Variants in FHOD3 observed in about 807,000 individuals in gnomAD.
The protein encoded by FHOD3 is FH1/FH2 domain-containing protein 3.
A neutral mutation model predicts 173.0 loss-of-function variants in FHOD3; 90 were observed. That is an observed-to-expected ratio of 0.52 (90% CI 0.44 to 0.62). FHOD3 has a LOEUF of 0.62. FHOD3 is among the 20% of genes least tolerant of loss of function. The pLI is 0.00. For missense variants in FHOD3, 1,945 were observed against 2,034.7 expected (o/e 0.96, Z 0.85); for synonymous variants, 828 against 823.0 (o/e 1.01, Z -0.10).
chr18:36,394,954 T>C (rs927565376), intron 3 of FHOD3, among the ~76,000 whole-genome samples: 1 of 152,208 alleles, frequency 6.6e-6, no homozygotes, highest in African/African-American at 2.4e-5. Flanking sequence ...AGTTCTGTGC[T>C]ACAAGGTTTT....
chr18:36,322,342 C>T (rs1239347956), intron 1 of FHOD3, among the ~76,000 whole-genome samples: 3 of 152,064 alleles, frequency 2.0e-5, no homozygotes, highest in Non-Finnish European at 4.4e-5. Context: ...CACCTCCTCT[C>T]GAGAGGGTTA....
At chr18:36,578,544 A>C (rs898339200) in intron 6 of FHOD3, among the ~76,000 whole-genome samples, 4 of 151,674 alleles carry the variant, frequency 2.6e-5, no homozygotes, top group African/African-American at 9.7e-5. Context: ...TTCACTGCCC[A>C]CCCCCACTAG....
intron 3 of FHOD3, among the ~76,000 whole-genome samples, chr18:36,393,446 A>G (rs992747618): frequency 6.6e-6 from 1 of 152,146 alleles, no homozygotes; most frequent in Non-Finnish European, 1.5e-5. Context: ...ACTAGATGCC[A>G]GTTGCAATGC....
chr18:36,721,284 T>G (rs1176747747), intron 19 of FHOD3, among the ~76,000 whole-genome samples: 1 of 152,192 alleles, frequency 6.6e-6, no homozygotes, highest in Non-Finnish European at 1.5e-5. Flanking sequence ...ATAGGAAATG[T>G]GAACAGGAGC....
rs117416190 is a variant in FHOD3, at chr18:36,436,077, A to G, written c.337+63333A>G. On this transcript the variant is annotated intron_variant, in intron 3 of 28. Coordinates refer to ENST00000590592, the MANE Select transcript of FHOD3 (RefSeq NM_001281740.3). Reference sequence around the variant, plus strand: ...TTAGTGCTGATATAAGAATTGTAAAATATATACAGGCAAAGGTGTTAAAAA... The same window carrying G: ...TTAGTGCTGATATAAGAATTGTAAAGTATATACAGGCAAAGGTGTTAAAAA... 8.9e-3 allele frequency among the ~76,000 whole-genome samples: 1,350 copies of G among 152,316 alleles called. 4 individuals are homozygous for G. The highest frequency in any genetic ancestry group is 0.017 in the Middle Eastern group (5 of 294).
intron 1 of FHOD3, among the ~76,000 whole-genome samples, chr18:36,302,983 C>T (rs1047243375): frequency 5.9e-5 from 9 of 152,180 alleles, no homozygotes; most frequent in South Asian, 2.1e-4. Flanking sequence ...CAGACCATAT[C>T]GGTAACCTAG....
intron 3 of FHOD3, among the ~76,000 whole-genome samples, chr18:36,412,944 C>T (rs1327263661): frequency 3.9e-5 from 6 of 152,322 alleles, no homozygotes; most frequent in Admixed American, 2.6e-4. Context: ...AGACACCTAC[C>T]TGGAGCCTTC....
chr18:36,759,488 G>A (rs1228622233), intron 26 of FHOD3, among the ~76,000 whole-genome samples: 1 of 152,230 alleles, frequency 6.6e-6, no homozygotes, highest in Non-Finnish European at 1.5e-5. Context: ...ACTAGATTCT[G>A]GAATAACCAC....
chr18:36,452,190 G>T (rs1423878219), intron 3 of FHOD3, among the ~76,000 whole-genome samples: 1 of 152,136 alleles, frequency 6.6e-6, no homozygotes, highest in African/African-American at 2.4e-5. Context: ...GGTATCTTAA[G>T]ACTTTTATTT....
chr18:36,594,563 G>A (rs1348964075), intron 6 of FHOD3, among the ~76,000 whole-genome samples: 3 of 152,096 alleles, frequency 2.0e-5, no homozygotes, highest in Non-Finnish European at 4.4e-5. Context: ...ACTGCAGGCA[G>A]GGAACTTTGT....
chr18:36,757,303 G>C (rs181787888), intron 25 of FHOD3, among the ~76,000 whole-genome samples: 1 of 152,288 alleles, frequency 6.6e-6, no homozygotes, highest in Admixed American at 6.5e-5. Context: ...CATGTAGAAG[G>C]ATTGCCCTCT....
chr18:36,625,794 C>T (rs763568334), intron 10 of FHOD3, 45 bp downstream of exon 10: 1 of 1,479,298 alleles, frequency 6.8e-7, no homozygotes, highest in Non-Finnish European at 9.2e-7. Flanking sequence ...GGATGCCATC[C>T]AAAAGAGAGC....
intron 14 of FHOD3, among the ~76,000 whole-genome samples, chr18:36,671,965 G>A (rs2037563944): frequency 6.6e-6 from 1 of 152,188 alleles, no homozygotes; most frequent in Non-Finnish European, 1.5e-5. Context: ...AGTGTCCACT[G>A]TGGTCATCAA....
intron 3 of FHOD3, among the ~76,000 whole-genome samples, chr18:36,382,213 A>G (rs1272227614): frequency 6.6e-6 from 1 of 152,130 alleles, no homozygotes; most frequent in African/African-American, 2.4e-5. Flanking sequence ...TCGTCCCCAA[A>G]TGTAACAAGT....
chr18:36,386,258 C>T (rs986763533), intron 3 of FHOD3, among the ~76,000 whole-genome samples: 3 of 152,152 alleles, frequency 2.0e-5, no homozygotes, highest in Non-Finnish European at 4.4e-5. Context: ...TGTCCGTCCT[C>T]TGCCTCATCT....
intron 26 of FHOD3, 75 bp from the exon 27 acceptor site, chr18:36,760,533 A>G: frequency 2.2e-6 from 3 of 1,387,696 alleles, no homozygotes; most frequent in Non-Finnish European, 2.9e-6. Flanking sequence ...CTTTTCCTCA[A>G]CCACGGGTTT....
chr18:36,384,784 T>C (rs2047950807), intron 3 of FHOD3, among the ~76,000 whole-genome samples: 1 of 152,162 alleles, frequency 6.6e-6, no homozygotes, highest in South Asian at 2.1e-4. Context: ...CTGTTTGTTA[T>C]TTATAACAGT....
At chr18:36,736,268 C>T (rs2041625455) in intron 20 of FHOD3, among the ~76,000 whole-genome samples, 1 of 152,260 alleles carries the variant, frequency 6.6e-6, no homozygotes. Flanking sequence ...GTACAGTGTG[C>T]ACTGTTAGCT....
chr18:36,298,205 C>G (rs983391972), intron 1 of FHOD3, among the ~76,000 whole-genome samples: 1 of 151,644 alleles, frequency 6.6e-6, no homozygotes, highest in Non-Finnish European at 1.5e-5. Flanking sequence ...CCGGGGCGGG[C>G]GGGAAGGAAC....
Sources: gnomAD v4.1 joint callset for allele counts (sites outside exome capture counted in the v4.1 genomes callset) on GRCh38, gnomAD v4.1.1 for gene constraint, MANE v1.5 for transcripts, NCBI Gene and HGNC (gene_info 2026-07-23, HGNC 2026-07-21) for gene names.